TENM3: variants seen among roughly 807,000 people sequenced by gnomAD.
TENM3 encodes the protein teneurin transmembrane protein 3, also known as teneurin-3.
In TENM3, 63 loss-of-function variants were observed where a neutral mutation model predicts 255.1. The observed-to-expected ratio is 0.25, with a 90% CI of 0.20 to 0.30. The LOEUF is 0.30. Ranked by LOEUF, TENM3 falls within the 10% of genes least tolerant of loss-of-function variation. The pLI is 1.00. For missense variants in TENM3, 2,929 were observed against 3,461.1 expected, an observed-to-expected ratio of 0.85 and a Z score of 3.86; for synonymous variants, 1,306 against 1,322.3, an observed-to-expected ratio of 0.99 and a Z score of 0.27.
intron 22 of TENM3, among the ~76,000 whole-genome samples, chr4:182,767,882 A>G (rs190446127): frequency 2.0e-4 from 30 of 152,230 alleles, no homozygotes; most frequent in Non-Finnish European, 3.8e-4. Context: ...CCAAACCAAC[A>G]TCTGCTGCTG....
At chr4:182,165,614 A>C (rs13143511) in intron 1 of TENM3, among the ~76,000 whole-genome samples, 44,127 of 151,906 alleles carry the variant, frequency 0.29, 7,382 homozygotes, top group Non-Finnish European at 0.39. Flanking sequence ...CCAACTTTCC[A>C]TCAGGAACTC....
the TENM3 span, among the ~76,000 whole-genome samples, chr4:182,031,135 A>G: frequency 6.6e-6 from 1 of 152,174 alleles, no homozygotes; most frequent in African/African-American, 2.4e-5. Flanking sequence ...GCCTATGCCT[A>G]TGTCCTGAAT....
chr4:181,516,367 T>TAA, the TENM3 span, among the ~76,000 whole-genome samples: 3 of 63,280 alleles, frequency 4.7e-5, no homozygotes, highest in South Asian at 1.4e-3. Context: ...TAAAAAATAT[T>TAA]TAAAAAAAAA....
At chr4:182,131,124 C>T in the TENM3 span, among the ~76,000 whole-genome samples, 14 of 152,192 alleles carry the variant, frequency 9.2e-5, no homozygotes, top group African/African-American at 3.4e-4. Flanking sequence ...ACTGTGTTAA[C>T]GTAAACACTG....
chr4:182,500,610 T>C (rs1238909696), intron 3 of TENM3, among the ~76,000 whole-genome samples: 1 of 134,992 alleles, frequency 7.4e-6, no homozygotes, highest in Non-Finnish European at 1.6e-5. Flanking sequence ...GAATTTGTAT[T>C]TGAAATTCAG....
intron 1 of TENM3, among the ~76,000 whole-genome samples, chr4:182,167,620 C>A (rs1751806406): frequency 2.0e-5 from 3 of 152,120 alleles, no homozygotes; most frequent in Admixed American, 1.3e-4. Flanking sequence ...CACCTATAAT[C>A]TCAGCACTTT....
chr4:182,042,895 G>A, the TENM3 span, among the ~76,000 whole-genome samples: 145 of 152,038 alleles, frequency 9.5e-4, no homozygotes, highest in African/African-American at 3.3e-3. Context: ...GTGTGTGTGT[G>A]TGTGTGTGTG....
chr4:182,657,988 C>T (rs1489073124), intron 6 of TENM3, among the ~76,000 whole-genome samples: 1 of 152,138 alleles, frequency 6.6e-6, no homozygotes, highest in Non-Finnish European at 1.5e-5. Flanking sequence ...TGTGCTTAGT[C>T]ACTTTGATCA....
intron 2 of TENM3, among the ~76,000 whole-genome samples, chr4:182,326,114 G>A (rs1230440379): frequency 6.6e-6 from 1 of 152,242 alleles, no homozygotes; most frequent in East Asian, 1.9e-4. Context: ...GGCGGCCAGG[G>A]AGGCCTTGTT....
chr4:182,264,646 T>A (rs762277003), intron 1 of TENM3, among the ~76,000 whole-genome samples: 2 of 152,204 alleles, frequency 1.3e-5, no homozygotes, highest in Admixed American at 1.3e-4. Context: ...TCATTTCTCG[T>A]TTGATTATCT....
Position 182,347,866 on chromosome 4 carries a change from G to T in TENM3, c.511+937G>T, listed in dbSNP as rs73869942. Among the ~76,000 whole-genome samples, 208 of 152,234 alleles carry T rather than the reference G, an allele frequency of 1.4e-3. 1 individual carries two copies. The highest frequency in any genetic ancestry group is 4.8e-3 in the African/African-American group (199 of 41,548). On this transcript the variant is annotated intron_variant, in intron 3 of 27. Coordinates refer to ENST00000511685, the MANE Select transcript of TENM3 (RefSeq NM_001080477.4). ...CATATCCTATGCATCAAAAAGCAAAGAGAAAATTAAAATGAAAGAATTGCA... is the reference window on the plus strand; with the variant it reads ...CATATCCTATGCATCAAAAAGCAAATAGAAAATTAAAATGAAAGAATTGCA...
At chr4:182,697,849 T>G (rs1255197605) in intron 12 of TENM3, 2 of 152,194 alleles carry the variant, frequency 1.3e-5, no homozygotes, top group African/African-American at 4.8e-5. Context: ...CCTCTGACCT[T>G]TCTAAAAGGT....
At chr4:182,150,304 G>A (rs1297760591) in intron 1 of TENM3, among the ~76,000 whole-genome samples, 1 of 151,968 alleles carries the variant, frequency 6.6e-6, no homozygotes, top group African/African-American at 2.4e-5. Flanking sequence ...ATGAGCGATG[G>A]CCCTTTGAGC....
At chr4:181,770,192 T>C in the TENM3 span, among the ~76,000 whole-genome samples, 1 of 152,052 alleles carries the variant, frequency 6.6e-6, no homozygotes, top group Non-Finnish European at 1.5e-5. Flanking sequence ...CTTTTAAAAA[T>C]TACTATGGAG....
the TENM3 span, among the ~76,000 whole-genome samples, chr4:181,663,989 CTT>C: frequency 6.6e-6 from 1 of 152,152 alleles, no homozygotes; most frequent in African/African-American, 2.4e-5. Context: ...ATTTCAGACT[CTT>C]TGAACACATA....
intron 3 of TENM3, among the ~76,000 whole-genome samples, chr4:182,525,962 C>T (rs1429354824): frequency 1.3e-5 from 2 of 151,982 alleles, no homozygotes; most frequent in Non-Finnish European, 2.9e-5. Context: ...TTGCATTAGC[C>T]TCTTTCTTTC....
chr4:181,921,316 C>T, the TENM3 span, among the ~76,000 whole-genome samples: 1 of 152,012 alleles, frequency 6.6e-6, no homozygotes, highest in African/African-American at 2.4e-5. Context: ...TCTATAAATT[C>T]CCTTGGGCAG....
the TENM3 span, among the ~76,000 whole-genome samples, chr4:182,130,037 G>A: frequency 1.3e-5 from 2 of 152,218 alleles, no homozygotes; most frequent in South Asian, 2.1e-4. Flanking sequence ...CGTCAGAATA[G>A]TTTACCACTC....
intron 3 of TENM3, among the ~76,000 whole-genome samples, chr4:182,447,109 T>C (rs1260046624): frequency 6.6e-6 from 1 of 152,192 alleles, no homozygotes; most frequent in Non-Finnish European, 1.5e-5. Context: ...GTCTAAATTT[T>C]AAATAACCGC....
Sources: gnomAD v4.1 joint callset for allele counts (sites outside exome capture counted in the v4.1 genomes callset) on GRCh38, gnomAD v4.1.1 for gene constraint, MANE v1.5 for transcripts, NCBI Gene and HGNC (gene_info 2026-07-23, HGNC 2026-07-21) for gene names.